The following MAML3 variants were observed in gnomAD, a reference collection of about 807,000 sequenced individuals.
The protein encoded by MAML3 is mastermind like transcriptional coactivator 3.
Under a neutral mutation model 101.9 loss-of-function variants are expected in MAML3, and 27 were observed. That is an observed-to-expected ratio of 0.27 (90% CI 0.20 to 0.37). MAML3 has a LOEUF of 0.37. Ranked by LOEUF, MAML3 falls within the 10% of genes least tolerant of loss-of-function variation. MAML3 has a pLI of 1.00. For synonymous variants in MAML3, 501 were observed against 555.9 expected, an observed-to-expected ratio of 0.90 and a Z score of 1.39; for missense variants, 1,316 against 1,444.9, an observed-to-expected ratio of 0.91 and a Z score of 1.45.
intron 2 of MAML3, among the ~76,000 whole-genome samples, chr4:139,775,386 C>T (rs1462431235): frequency 6.6e-6 from 1 of 152,158 alleles, no homozygotes; most frequent in Non-Finnish European, 1.5e-5. Context: ...AGCGCACCCT[C>T]TGTGGGTTCC....
intron 2 of MAML3, among the ~76,000 whole-genome samples, chr4:139,814,112 G>A (rs1730854299): frequency 6.6e-6 from 1 of 151,942 alleles, no homozygotes; most frequent in African/African-American, 2.4e-5. Context: ...GATGGAAGAA[G>A]AGGAAGCGTA....
At chr4:139,729,099 C>A (rs941565004) in intron 3 of MAML3, among the ~76,000 whole-genome samples, 1 of 130,236 alleles carries the variant, frequency 7.7e-6, no homozygotes, top group African/African-American at 2.9e-5. Flanking sequence ...AGCTGCCAGG[C>A]GGCTGACTGA....
chr4:139,810,352 A>G (rs1730775599), intron 2 of MAML3, among the ~76,000 whole-genome samples: 1 of 151,824 alleles, frequency 6.6e-6, no homozygotes, highest in Non-Finnish European at 1.5e-5. Flanking sequence ...CACCACACCC[A>G]GCTAATTTTA....
chr4:139,980,256 A>C (rs1184132804), intron 1 of MAML3, among the ~76,000 whole-genome samples: 3 of 152,158 alleles, frequency 2.0e-5, no homozygotes, highest in Non-Finnish European at 4.4e-5. Flanking sequence ...CCCACAGACA[A>C]TAAAGACTGG....
intron 1 of MAML3, among the ~76,000 whole-genome samples, chr4:139,993,791 G>A (rs1328062279): frequency 6.6e-6 from 1 of 152,036 alleles, no homozygotes; most frequent in African/African-American, 2.4e-5. Context: ...TCGTGCCACT[G>A]CACTCCAGCC....
intron 2 of MAML3, among the ~76,000 whole-genome samples, chr4:139,835,028 G>A (rs564284904): frequency 6.6e-6 from 1 of 152,340 alleles, no homozygotes; most frequent in South Asian, 2.1e-4. Context: ...AAGCAGCTCT[G>A]GCAAAAATCC....
chr4:139,960,920 A>C (rs1390730230), intron 1 of MAML3, among the ~76,000 whole-genome samples: 1 of 152,216 alleles, frequency 6.6e-6, no homozygotes, highest in African/African-American at 2.4e-5. Context: ...CTCTGTCAAC[A>C]GTAACCCAGG....
intron 2 of MAML3, among the ~76,000 whole-genome samples, chr4:139,843,695 G>A (rs572836892): frequency 2.0e-5 from 3 of 152,184 alleles, no homozygotes; most frequent in Admixed American, 6.5e-5. Context: ...ATCTTAATTC[G>A]GAGTCTTCTA....
At chr4:140,033,555 G>T (rs188384875) in intron 1 of MAML3, among the ~76,000 whole-genome samples, 4 of 152,288 alleles carry the variant, frequency 2.6e-5, no homozygotes, top group African/African-American at 9.6e-5. Flanking sequence ...CGCCTCACTG[G>T]ATGTCTATTT....
chr4:139,972,411 A>C (rs954527497), intron 1 of MAML3, among the ~76,000 whole-genome samples: 12 of 152,222 alleles, frequency 7.9e-5, no homozygotes, highest in African/African-American at 2.7e-4. Context: ...CCAGTTTACA[A>C]GCCTTATCAG....
Position 140,153,367 on chromosome 4 carries a change from A to G in MAML3, c.-40T>C, listed in dbSNP as rs1455729545. On this transcript the variant is annotated 5_prime_UTR_variant, in exon 1 of 5. Transcript: ENST00000509479. ...ACACTATTTTGGAAGAACTTTTTTTATCCACCCCCCTATCAGCCTCCTCCT... is the reference window on the plus strand; with the variant it reads ...ACACTATTTTGGAAGAACTTTTTTTGTCCACCCCCCTATCAGCCTCCTCCT... 2.0e-6 allele frequency: 3 copies of G among 1,522,292 alleles called. No individual in the cohort carries two copies. 94.3% of individuals were successfully genotyped at this position (1,522,292 alleles called of 1,614,324 possible).
At chr4:140,009,561 C>A (rs1161143674) in intron 1 of MAML3, among the ~76,000 whole-genome samples, 1 of 152,186 alleles carries the variant, frequency 6.6e-6, no homozygotes, top group African/African-American at 2.4e-5. Flanking sequence ...TTCTTCCATT[C>A]AACTGTAACA....
At chr4:140,078,836 C>A (rs1727819470) in intron 1 of MAML3, among the ~76,000 whole-genome samples, 1 of 152,116 alleles carries the variant, frequency 6.6e-6, no homozygotes, top group African/African-American at 2.4e-5. Context: ...CAGGGCCCAC[C>A]ATGAGGGCTG....
chr4:139,902,530 A>G (rs1489866481), intron 1 of MAML3, among the ~76,000 whole-genome samples: 3 of 152,184 alleles, frequency 2.0e-5, no homozygotes, highest in Non-Finnish European at 4.4e-5. Context: ...TCCCCCATGG[A>G]TGAAGAAGAT....
chr4:140,038,964 A>G (rs1022503073), intron 1 of MAML3, among the ~76,000 whole-genome samples: 3 of 151,930 alleles, frequency 2.0e-5, no homozygotes, highest in African/African-American at 7.3e-5. Context: ...CTAAAAATAC[A>G]AAAAATTAGC....
chr4:139,896,631 T>TGTGTGTGTGTGTGTGTGTGTGG (rs752046450), intron 1 of MAML3, among the ~76,000 whole-genome samples: 2 of 121,358 alleles, frequency 1.6e-5, no homozygotes, highest in South Asian at 3.2e-4. Context: ...TGTGTGTGTG[T>TGTGTGTGTGTGTGTGTGTGTGG]GGTATGTGGT....
At chr4:140,145,903 TA>T (rs1729055529) in intron 1 of MAML3, among the ~76,000 whole-genome samples, 1 of 36,586 alleles carries the variant, frequency 2.7e-5, no homozygotes, top group Non-Finnish European at 6.9e-5. Flanking sequence ...GAAGGATTTT[TA>T]CTCTTGTTGC....
chr4:140,058,020 T>C (rs972141317), intron 1 of MAML3, among the ~76,000 whole-genome samples: 1 of 151,332 alleles, frequency 6.6e-6, no homozygotes, highest in Non-Finnish European at 1.5e-5. Context: ...ATGAAAGACC[T>C]CTGATTAAAC....
intron 1 of MAML3, among the ~76,000 whole-genome samples, chr4:139,905,584 A>G (rs761573525): frequency 6.6e-6 from 1 of 151,876 alleles, no homozygotes; most frequent in Non-Finnish European, 1.5e-5. Context: ...TAGGGCTGCC[A>G]TAACAAAATA....
Sources: allele counts gnomAD v4.1 joint callset (sites outside exome capture counted in the v4.1 genomes callset), GRCh38; gene constraint gnomAD v4.1.1; transcripts MANE v1.5; gene names NCBI Gene and HGNC (gene_info 2026-07-23, HGNC 2026-07-21).